The following CHST7 variants were observed in gnomAD, a reference collection of about 807,000 sequenced individuals.
CHST7 encodes N-acetylglucosamine 6-O-sulfotransferase 4.
Under a neutral mutation model 9.0 loss-of-function variants are expected in CHST7, and 5 were observed. The ratio of observed to expected loss-of-function variants is 0.56; its 90% CI spans 0.29 to 1.17. The LOEUF (loss-of-function observed/expected upper bound fraction) is 1.17. Among genes scored for constraint, CHST7 ranks in the 50% most tolerant of loss-of-function variants. The pLI is 0.08. For synonymous variants in CHST7, 244 were observed against 237.1 expected, an observed-to-expected ratio of 1.03 and a Z score of -0.27; for missense variants, 377 against 485.1, an observed-to-expected ratio of 0.78 and a Z score of 2.09.
intron 1 of CHST7, among the ~76,000 whole-genome samples, chrX:46,593,516 A>G (rs1037583821): frequency 8.9e-6 from 1 of 111,823 alleles, no homozygotes; most frequent in Non-Finnish European, 1.9e-5. Context: ...TAATGTTTGT[A>G]TGGTGTATCC....
At chrX:46,592,246 T>C (rs1370665631) in intron 1 of CHST7, among the ~76,000 whole-genome samples, 1 of 112,429 alleles carries the variant, frequency 8.9e-6, no homozygotes, top group Non-Finnish European at 1.9e-5. Flanking sequence ...TTTTAATGTC[T>C]GTGGTGTCTG....
intron 1 of CHST7, among the ~76,000 whole-genome samples, chrX:46,585,262 T>TC (rs1281021509): frequency 2.0e-5 from 2 of 101,818 alleles, no homozygotes; most frequent in Non-Finnish European, 3.9e-5. Context: ...CTCTTTTTTT[T>TC]CTTTTCCTTT....
intron 1 of CHST7, among the ~76,000 whole-genome samples, chrX:46,592,757 C>CTCCTTATTTCTCCTT (rs1310768821): frequency 2.1e-4 from 23 of 107,729 alleles, no homozygotes; most frequent in African/African-American, 7.4e-4. Flanking sequence ...CTCCTTTTAT[C>CTCCTTATTTCTCCTT]TTAATTATTT....
chrX:46,575,702 T>G (rs952382744), intron 1 of CHST7, among the ~76,000 whole-genome samples: 2 of 112,004 alleles, frequency 1.8e-5, no homozygotes, highest in African/African-American at 3.2e-5. Flanking sequence ...TTCCCCTGTA[T>G]GAAGTAGGAG....
At chrX:46,584,157 A>C (rs1325514213) in intron 1 of CHST7, among the ~76,000 whole-genome samples, 1 of 111,985 alleles carries the variant, frequency 8.9e-6, no homozygotes, top group Middle Eastern at 4.2e-3. Context: ...GGGAGCAGGA[A>C]GAACTTTGCT....
chrX:46,573,930 C>G lies in CHST7; in HGVS notation c.-2C>G. ...CGACCCGCTCTGGAGGGTCGGTGAA[C>G]GATGAAGGGCCGGCGGCGGCGACGC... On this transcript the variant is annotated 5_prime_UTR_variant, in exon 1 of 2. Transcript: ENST00000276055. 1 of 1,155,750 alleles carries G rather than the reference C, an allele frequency of 8.7e-7. No homozygotes were observed. The highest frequency in any genetic ancestry group is 1.1e-6 in the Non-Finnish European group (1 of 872,713).
In CHST7 at chrX:46,575,190, T is replaced by C. The variant is rs1426027035; in HGVS notation, c.1259T>C (p.Phe420Ser). Residue 420 changes from phenylalanine (F) to serine (S), a missense_variant, in exon 1 of 2, where the codon TTC (phenylalanine) becomes TCC (serine). Phe to Ser is a radical substitution (Grantham distance 155). This residue lies in a region of CHST7 where 130 missense variants were observed against 134.9 expected (regional missense o/e 0.96). Transcript: ENST00000276055. ...RGAAYGADRP[F>S]HLSARDAREA... ...GCGGCCTACGGCGCCGACCGGCCCT[T>C]CCACCTGTCAGCGCGCGACGCCCGG... The C allele has an allele frequency of 6.3e-6, 7 of 1,103,044 alleles. No individual in the cohort carries two copies. Among genetic ancestry groups the C allele is most frequent in the Non-Finnish European group, 8.2e-6 (7 of 850,936 alleles). 90.9% of individuals were successfully genotyped at this position (1,103,044 alleles called of 1,213,427 possible). A position where few individuals can be genotyped will look rare whatever the true frequency, so the allele number is the denominator to read the frequency against.
chrX:46,578,515 C>G (rs1483941999), intron 1 of CHST7, among the ~76,000 whole-genome samples: 1 of 109,265 alleles, frequency 9.2e-6, no homozygotes, highest in Non-Finnish European at 1.9e-5. Context: ...ATCCTCCCAC[C>G]TCAGCCTCCC....
In CHST7 at chrX:46,574,993, C is replaced by T. The variant is rs1338167042; in HGVS notation, c.1062C>T (p.Arg354=). 2 of 1,144,003 alleles carry T rather than the reference C, an allele frequency of 1.7e-6. No homozygotes were observed. Among genetic ancestry groups the T allele is most frequent in the Non-Finnish European group, 2.3e-6 (2 of 873,054 alleles). 94.3% of individuals were successfully genotyped at this position (1,144,003 alleles called of 1,213,427 possible). Residue 354 remains arginine (R), a synonymous_variant, in exon 1 of 2, where the codon CGC becomes CGT. Coordinates refer to ENST00000276055, the MANE Select transcript of CHST7 (RefSeq NM_019886.4). ...ALEVICEAWL[R]DLLFARGAPA... Reference sequence around the variant, plus strand: ...AGGTGATCTGCGAAGCCTGGCTGCGCGATCTGCTTTTCGCGCGCGGCGCGC... The same window carrying T: ...AGGTGATCTGCGAAGCCTGGCTGCGTGATCTGCTTTTCGCGCGCGGCGCGC...
rs186631967 is a variant in CHST7 at position 46,595,625 on chromosome X, C to T, written c.*32-2135C>T. 4.5e-5 allele frequency among the ~76,000 whole-genome samples: 5 copies of T among 111,128 alleles called. No individual in the cohort carries two copies. In the East Asian group the frequency reaches 1.4e-3, roughly 31 times the overall value. On this transcript the variant is annotated intron_variant, in intron 1 of 1. Transcript: ENST00000276055. ...TGTCTGTCACAGTTGGCATTTCTGG[C>T]TTGCTGGCTTCTTTAGCACACAACA...
In CHST7 at chrX:46,586,731, G is replaced by GT. The variant is rs1324662669; in HGVS notation, c.*32-11018dup. ...ACTAGGCAAACTCAGCTGTTTCCAA[G>GT]TTTTTTTTTTTGTTTTTTTTTGAGA... On this transcript the variant is annotated intron_variant, in intron 1 of 1. Transcript: ENST00000276055. 3.0e-3 allele frequency among the ~76,000 whole-genome samples: 313 copies of GT among 104,578 alleles called. 1 individual carries two copies. Among genetic ancestry groups the GT allele is most frequent in the African/African-American group, 6.7e-3 (195 of 28,987 alleles). 90.8% of individuals were successfully genotyped at this position (104,578 alleles called of 115,157 possible).
Position 46,597,853 on chromosome X carries a change from A to G in CHST7, c.*125A>G, listed in dbSNP as rs1381804405. The G allele has an allele frequency of 8.8e-6, 1 of 113,159 alleles. No homozygotes were observed. Among genetic ancestry groups the G allele is most frequent in the African/African-American group, 3.2e-5 (1 of 31,122 alleles). 9.3% of individuals were successfully genotyped at this position (113,159 alleles called of 1,213,427 possible). On this transcript the variant is annotated 3_prime_UTR_variant, in exon 2 of 2. Transcript: ENST00000276055. ...ATCTGTCACACTCTCAGAGTCTGGG[A>G]CTTGACTTGCTACCAACAACTGCTG...
At position 46,574,855 on chromosome X, in the gene CHST7, C is replaced by A; in HGVS notation, c.924C>A (p.Gly308=). Residue 308 remains glycine (G), a synonymous_variant, in exon 1 of 2, where the codon GGC becomes GGA. Coordinates refer to ENST00000276055, the MANE Select transcript of CHST7 (RefSeq NM_019886.4). ...SIQVLRTRQR[G]DRFHRVLLAH... ...AGGTGCTGCGCACCCGCCAGAGGGG[C>A]GACCGCTTCCACCGTGTGCTGCTGG... 8.5e-7 allele frequency: 1 copy of A among 1,178,241 alleles called. No individual in the cohort carries two copies. The highest frequency in any genetic ancestry group is 1.1e-6 in the Non-Finnish European group (1 of 879,572).
At chrX:46,582,100 G>A (rs1458884466) in intron 1 of CHST7, among the ~76,000 whole-genome samples, 1 of 111,200 alleles carries the variant, frequency 9.0e-6, no homozygotes, top group Non-Finnish European at 1.9e-5. Flanking sequence ...AAATCTTCCC[G>A]TTTCATCTTC....
rs1319944826 is a variant in CHST7, at chrX:46,573,803, C to T, written c.-129C>T. The T allele has an allele frequency of 6.1e-6, 6 of 986,416 alleles. No homozygotes were observed. The highest frequency in any genetic ancestry group is 3.9e-4 in the Middle Eastern group (1 of 2,548). The allele number at this position is 986,416 out of a possible 1,213,427, so 81.3% of individuals were successfully genotyped here. A position where few individuals can be genotyped will look rare whatever the true frequency, so the allele number is the denominator to read the frequency against. On this transcript the variant is annotated 5_prime_UTR_variant, in exon 1 of 2. Transcript: ENST00000276055. ...CCTTCCAAGTTTCCCCTTGTGGATG[C>T]GCGGCCCCGCGGCTCTGCTCCTCCC... is the stretch of plus-strand genomic sequence containing the variant.
intron 1 of CHST7, among the ~76,000 whole-genome samples, chrX:46,575,830 A>G (rs1193489640): frequency 8.9e-6 from 1 of 111,779 alleles, no homozygotes; most frequent in Non-Finnish European, 1.9e-5. Flanking sequence ...ATGATTATGG[A>G]GTTATCTTGA....
chrX:46,589,065 G>A (rs768109481), intron 1 of CHST7, among the ~76,000 whole-genome samples: 2 of 111,482 alleles, frequency 1.8e-5, no homozygotes, highest in African/African-American at 6.5e-5. Flanking sequence ...AAGTTTAGCA[G>A]CTTAAAATTT....
chrX:46,575,956 C>T (rs1285193814), intron 1 of CHST7, among the ~76,000 whole-genome samples: 3 of 111,486 alleles, frequency 2.7e-5, no homozygotes, highest in African/African-American at 6.5e-5. Flanking sequence ...CCTAATCTTT[C>T]TGTTTCATGT....
intron 1 of CHST7, among the ~76,000 whole-genome samples, chrX:46,585,110 GAAGT>G (rs2146639750): frequency 9.1e-6 from 1 of 110,494 alleles, no homozygotes; most frequent in African/African-American, 3.3e-5. Flanking sequence ...ACAGATTTTA[GAAGT>G]AAGAGAAGTA....
Sources: gnomAD v4.1 joint callset for allele counts (sites outside exome capture counted in the v4.1 genomes callset) on GRCh38, gnomAD v4.1.1 for gene constraint, gnomAD v4.1.1 regional missense constraint, MANE v1.5 for transcripts, NCBI Gene and HGNC (gene_info 2026-07-23, HGNC 2026-07-21) for gene names.